The following CCDC171 variants were observed in gnomAD, a reference collection of about 807,000 sequenced individuals.
CCDC171 encodes the protein coiled-coil domain-containing protein 171.
A neutral mutation model predicts 168.2 loss-of-function variants in CCDC171; 177 were observed. That is an observed-to-expected ratio of 1.05 (90% confidence interval 0.93 to 1.19). CCDC171 has a LOEUF of 1.19. CCDC171 is among the 50% of genes most tolerant of loss of function. The probability of loss-of-function intolerance (pLI) is 0.00; values close to 1 mark genes in which losing one functional copy is unlikely to be tolerated. For missense variants in CCDC171, 1,991 were observed against 1,539.0 expected, an observed-to-expected ratio of 1.29 and a Z score of -4.91; for synonymous variants, 687 against 540.8, an observed-to-expected ratio of 1.27 and a Z score of -3.75.
intron 6 of CCDC171, among the ~76,000 whole-genome samples, chr9:15,601,088 G>T (rs985889351): frequency 6.6e-6 from 1 of 152,172 alleles, no homozygotes; most frequent in African/African-American, 2.4e-5. Flanking sequence ...CCTCCTGGGG[G>T]AGGCGATGCC....
chr9:15,844,975 G>C (rs372403867), intron 21 of CCDC171, among the ~76,000 whole-genome samples: 1 of 152,040 alleles, frequency 6.6e-6, no homozygotes, highest in Non-Finnish European at 1.5e-5. Flanking sequence ...TTGAGCAGAA[G>C]AATTTGAATG....
chr9:15,904,360 G>A (rs1822189585), intron 24 of CCDC171, among the ~76,000 whole-genome samples: 1 of 152,152 alleles, frequency 6.6e-6, no homozygotes, highest in African/African-American at 2.4e-5. Flanking sequence ...GAAGACAGTG[G>A]GGGCTAATAT....
intron 19 of CCDC171, among the ~76,000 whole-genome samples, chr9:15,778,469 C>T (rs571117575): frequency 6.6e-6 from 1 of 151,028 alleles, no homozygotes; most frequent in Admixed American, 6.6e-5. Context: ...TGAAACCCCG[C>T]CTCTACCAAA....
chr9:15,857,448 A>T (rs2061387868), intron 23 of CCDC171, among the ~76,000 whole-genome samples: 1 of 151,902 alleles, frequency 6.6e-6, no homozygotes, highest in East Asian at 1.9e-4. Flanking sequence ...CTTTAGACAA[A>T]GTTCTGCTCT....
chr9:15,656,644 A>G (rs563163515), intron 7 of CCDC171, among the ~76,000 whole-genome samples: 68 of 152,348 alleles, frequency 4.5e-4, no homozygotes, highest in Non-Finnish European at 7.9e-4. Flanking sequence ...TAAAAAGCAT[A>G]ATATATGATT....
intron 10 of CCDC171, among the ~76,000 whole-genome samples, chr9:15,689,322 C>G (rs1021694646): frequency 2.0e-5 from 3 of 152,252 alleles, no homozygotes; most frequent in African/African-American, 7.2e-5. Flanking sequence ...TCTCAGTTGA[C>G]TTTTTGGAAG....
chr9:15,817,077 T>C (rs77870250), intron 21 of CCDC171, among the ~76,000 whole-genome samples: 1,500 of 117,706 alleles, frequency 0.013, 431 homozygotes, highest in African/African-American at 0.046. Context: ...TCTGAGAGGA[T>C]GTGTAAGCGC....
intron 25 of CCDC171, among the ~76,000 whole-genome samples, chr9:15,923,601 T>G (rs1222957606): frequency 1.3e-5 from 2 of 151,302 alleles, no homozygotes; most frequent in Non-Finnish European, 3.0e-5. Context: ...GTGACTATAG[T>G]TAATAAAGAC....
intron 21 of CCDC171, among the ~76,000 whole-genome samples, chr9:15,837,805 A>T (rs763659989): frequency 2.0e-5 from 3 of 152,192 alleles, no homozygotes; most frequent in Non-Finnish European, 4.4e-5. Context: ...AATAACTTTC[A>T]TGGTTTATTG....
intron 6 of CCDC171, among the ~76,000 whole-genome samples, chr9:16,031,912 G>C (rs1415842316): frequency 6.6e-6 from 1 of 152,224 alleles, no homozygotes; most frequent in Non-Finnish European, 1.5e-5. Context: ...CCCCAGAGCA[G>C]GGCAGAGACT....
chr9:15,744,538 T>C lies in CCDC171; in HGVS notation c.2315T>C (p.Leu772Pro). Reference protein sequence around the residue: ...FELFKLEIRTLAQALSTVEEK... With the variant: ...FELFKLEIRTPAQALSTVEEK... ...TTGTTCAAACTGGAAATTAGAACTC[T>C]AGCCCAGGCTTTGTCAACTGTAGAG... The change falls in exon 17 of 26, where the codon CTA (leucine) becomes CCA (proline). Residue 772 changes from leucine to proline, a missense_variant. Leu to Pro is a moderately conservative substitution (Grantham distance 98). Coordinates refer to ENST00000380701, the MANE Select transcript of CCDC171 (RefSeq NM_173550.4). The C allele has an allele frequency of 7.4e-6, 12 of 1,614,192 alleles. No individual in the cohort carries two copies. Among genetic ancestry groups the C allele is most frequent in the Non-Finnish European group, 1.0e-5 (12 of 1,180,032 alleles).
intron 21 of CCDC171, among the ~76,000 whole-genome samples, chr9:15,818,501 A>G (rs1409434784): frequency 8.4e-6 from 1 of 118,678 alleles, no homozygotes; most frequent in African/African-American, 3.2e-5. Flanking sequence ...AAGTCCTTAA[A>G]GGACCTGATG....
chr9:16,040,565 G>A (rs954683401), upstream of CCDC171, among the ~76,000 whole-genome samples: 74 of 152,300 alleles, frequency 4.9e-4, no homozygotes, highest in African/African-American at 1.7e-3. Context: ...CAGGTCACAC[G>A]CTGAGCTCCT....
intron 9 of CCDC171, among the ~76,000 whole-genome samples, chr9:15,667,428 C>G (rs897053185): frequency 3.3e-5 from 5 of 152,082 alleles, no homozygotes; most frequent in Non-Finnish European, 5.9e-5. Flanking sequence ...GGTAGATCAC[C>G]TGAGTTCAGG....
chr9:15,736,349 T>C (rs2054489459), intron 16 of CCDC171, among the ~76,000 whole-genome samples: 2 of 152,130 alleles, frequency 1.3e-5, no homozygotes, highest in African/African-American at 4.8e-5. Context: ...TTTATGGAAC[T>C]CATATTCCTT....
the CCDC171 span, among the ~76,000 whole-genome samples, chr9:16,085,896 C>G: frequency 2.0e-5 from 3 of 152,084 alleles, no homozygotes; most frequent in African/African-American, 7.2e-5. Flanking sequence ...TAAAAATTGC[C>G]TTTTTATCAG....
intron 21 of CCDC171, among the ~76,000 whole-genome samples, chr9:15,789,664 C>A (rs191881092): frequency 6.6e-6 from 1 of 152,298 alleles, no homozygotes. Context: ...AGAGTTGTTA[C>A]ATATGTATAC....
intron 24 of CCDC171, among the ~76,000 whole-genome samples, chr9:15,891,630 A>G (rs1446535943): frequency 6.6e-6 from 1 of 152,178 alleles, no homozygotes; most frequent in African/African-American, 2.4e-5. Context: ...AGGCACTTCA[A>G]ATATAATCCA....
intron 21 of CCDC171, among the ~76,000 whole-genome samples, chr9:15,822,430 C>G: frequency 6.6e-6 from 1 of 151,750 alleles, no homozygotes; most frequent in Non-Finnish European, 1.5e-5. Context: ...TTGCAACCTA[C>G]TCATCTGACA....
Sources: allele counts gnomAD v4.1 joint callset (sites outside exome capture counted in the v4.1 genomes callset), GRCh38; gene constraint gnomAD v4.1.1; transcripts MANE v1.5; gene names NCBI Gene and HGNC (gene_info 2026-07-23, HGNC 2026-07-21).